The following BCAS3 variants were observed in gnomAD, a reference collection of about 807,000 sequenced individuals.
The protein encoded by BCAS3 is BCAS3 microtubule associated cell migration factor.
In BCAS3, 53 loss-of-function variants were observed where a neutral mutation model predicts 116.1. The observed-to-expected ratio is 0.46, with a 90% CI of 0.37 to 0.57. BCAS3 has a LOEUF of 0.57. Ranked by LOEUF, BCAS3 falls within the 20% of genes least tolerant of loss-of-function variation. BCAS3 has a pLI of 0.00. For missense variants in BCAS3, 917 were observed against 1,165.4 expected, an observed-to-expected ratio of 0.79 and a Z score of 3.10; for synonymous variants, 391 against 408.2, an observed-to-expected ratio of 0.96 and a Z score of 0.51.
At chr17:60,723,477 C>T (rs1598303188) in intron 5 of BCAS3, among the ~76,000 whole-genome samples, 1 of 152,020 alleles carries the variant, frequency 6.6e-6, no homozygotes, top group East Asian at 1.9e-4. Flanking sequence ...CCAGCCGCCT[C>T]GGCCTCCCAA....
chr17:61,018,625 T>C (rs2065654872), intron 16 of BCAS3, among the ~76,000 whole-genome samples: 1 of 152,088 alleles, frequency 6.6e-6, no homozygotes, highest in Admixed American at 6.6e-5. Context: ...GATCAACTTA[T>C]TTGCTTTATC....
In BCAS3 at chr17:61,251,500, G is replaced by A. The variant is rs2048365480; in HGVS notation, c.2426-116827G>A. On this transcript the variant is annotated intron_variant, in intron 22 of 23. Coordinates refer to ENST00000407086, the MANE Select transcript of BCAS3 (RefSeq NM_017679.5). The surrounding 1 kb of genome is among the most constrained non-coding windows in gnomAD (Gnocchi z 4.7). ...CAGGAGAATCACTTGAACGCGGGAT[G>A]CAGAGGTTGCAGTGAGCCGAGATTG... 6.6e-6 allele frequency among the ~76,000 whole-genome samples: 1 copy of A among 151,922 alleles called. No homozygotes were observed. Among genetic ancestry groups the A allele is most frequent in the Admixed American group, 6.6e-5 (1 of 15,254 alleles).
At chr17:61,312,420 C>G (rs1400943967) in intron 22 of BCAS3, among the ~76,000 whole-genome samples, 4 of 152,214 alleles carry the variant, frequency 2.6e-5, no homozygotes, top group African/African-American at 9.6e-5. Context: ...CAAATTGACA[C>G]TGACCTTGGC....
At chr17:60,720,263 G>A (rs1044999533) in intron 5 of BCAS3, 2 of 152,200 alleles carry the variant, frequency 1.3e-5, no homozygotes, top group African/African-American at 4.8e-5. Context: ...GAGTAGCTGG[G>A]ACCACAGGTG....
rs980287144 is a variant in BCAS3 at position 61,227,118 on chromosome 17, G to A, written c.2426-141209G>A. ...CTCCATAGTTAAGCTGATGTTACGC[G>A]GTTAGCCAGAATGAACTGATTTTGG... On this transcript the variant is annotated intron_variant, in intron 22 of 23. Coordinates refer to ENST00000407086, the MANE Select transcript of BCAS3 (RefSeq NM_017679.5). The surrounding 1 kb of genome is among the most constrained non-coding windows in gnomAD (Gnocchi z 6.1). Among the ~76,000 whole-genome samples, 2 of 152,182 alleles carry A rather than the reference G, an allele frequency of 1.3e-5. No individual in the cohort carries two copies. Among genetic ancestry groups the A allele is most frequent in the African/African-American group, 2.4e-5 (1 of 41,446 alleles).
In BCAS3 at chr17:61,368,365, G is replaced by A. The variant is rs2058852685; in HGVS notation, c.2464G>A (p.Gly822Arg). ...GAGCGTGACCCTGCTGGAGGTGTGCGGGAGCTGGCCTGAGGGCTTCGGGCT... is the reference window on the plus strand; with the variant it reads ...GAGCGTGACCCTGCTGGAGGTGTGCAGGAGCTGGCCTGAGGGCTTCGGGCT... ...DRSVTLLEVC[G>R]SWPEGFGLRH... The change falls in exon 23 of 24, where the codon GGG becomes AGG. Residue 822 changes from glycine (G) to arginine (R), a missense_variant. Physicochemically the swap from Gly to Arg is moderately radical, Grantham distance 125 (BLOSUM62 -2). Transcript: ENST00000407086. The surrounding 1 kb of genome is among the most constrained non-coding windows in gnomAD (Gnocchi z 6.0). The A allele has an allele frequency of 2.5e-6, 4 of 1,609,996 alleles. No individual in the cohort carries two copies. Among genetic ancestry groups the A allele is most frequent in the Non-Finnish European group, 3.4e-6 (4 of 1,176,756 alleles).
rs2053890076 is a variant in BCAS3 at position 60,858,685 on chromosome 17, G to A, written c.477-9891G>A. On this transcript the variant is annotated intron_variant, in intron 7 of 23. Coordinates refer to ENST00000407086, the MANE Select transcript of BCAS3 (RefSeq NM_017679.5). ...TGGTAAACTATTTTTCAGAGTGACT[G>A]TACCATTTTGCGTCTCCAGCAGTAA... Among the ~76,000 whole-genome samples the A allele has an allele frequency of 2.0e-5, 3 of 152,072 alleles. No individual in the cohort carries two copies. In the South Asian group the frequency reaches 6.2e-4, roughly 32 times the overall value.
At chr17:60,902,363 T>C (rs2057950378) in intron 10 of BCAS3, among the ~76,000 whole-genome samples, 1 of 152,226 alleles carries the variant, frequency 6.6e-6, no homozygotes, top group Non-Finnish European at 1.5e-5. Context: ...TCAGAGTTTA[T>C]GGATTCTTAA....
chr17:61,306,917 G>A (rs1209835785), intron 22 of BCAS3, among the ~76,000 whole-genome samples: 1 of 152,262 alleles, frequency 6.6e-6, no homozygotes, highest in East Asian at 1.9e-4. Context: ...TTTTCCCCAG[G>A]CTTAAGTACA....
chr17:60,972,848 T>A (rs2062050428), intron 14 of BCAS3, among the ~76,000 whole-genome samples: 1 of 152,234 alleles, frequency 6.6e-6, no homozygotes, highest in South Asian at 2.1e-4. Flanking sequence ...TTCCCTTTTT[T>A]ATATTTCTAT....
intron 7 of BCAS3, among the ~76,000 whole-genome samples, chr17:60,856,428 C>G (rs1254977845): frequency 6.6e-6 from 1 of 152,146 alleles, no homozygotes; most frequent in East Asian, 1.9e-4. Flanking sequence ...GTGGCTCATG[C>G]CTGTATTCCC....
intron 6 of BCAS3, among the ~76,000 whole-genome samples, chr17:60,783,401 CG>C (rs2045997051): frequency 6.6e-6 from 1 of 152,062 alleles, no homozygotes; most frequent in Admixed American, 6.5e-5. Flanking sequence ...GATGGGGTTT[CG>C]TCATGTTGCC....
At chr17:61,085,840 G>A (rs562541000) in intron 22 of BCAS3, among the ~76,000 whole-genome samples, 30 of 152,244 alleles carry the variant, frequency 2.0e-4, no homozygotes, top group African/African-American at 6.5e-4. Context: ...TGTTGTGCTC[G>A]TTTGGAATGA....
intron 22 of BCAS3, among the ~76,000 whole-genome samples, chr17:61,270,631 C>T (rs1394614719): frequency 4.6e-5 from 7 of 152,098 alleles, no homozygotes; most frequent in South Asian, 2.1e-4. Flanking sequence ...TCATTGCCTG[C>T]GCTTTTGTTA....
intron 22 of BCAS3, among the ~76,000 whole-genome samples, chr17:61,094,850 A>T (rs2073864220): frequency 6.6e-6 from 1 of 152,236 alleles, no homozygotes. Context: ...GTCTTAAAAA[A>T]AAAATTTCTC....
At chr17:61,389,812 G>A (rs1365427334) in intron 23 of BCAS3, 2 of 152,370 alleles carry the variant, frequency 1.3e-5, no homozygotes, top group African/African-American at 2.4e-5. Context: ...TCATTGGTGG[G>A]ACCACCGAGG....
rs563682077 is a variant in BCAS3 at position 61,140,100 on chromosome 17, G to A, written c.2425+55536G>A. Among the ~76,000 whole-genome samples, 2 of 152,238 alleles carry A rather than the reference G, an allele frequency of 1.3e-5. No homozygotes were observed. The highest frequency in any genetic ancestry group is 3.9e-4 in the East Asian group (2 of 5,180). ...AAAATACAAAAAATTAGCTGGGCGTGGTGGTGCATTCCTGTAAACCCAGCT... is the reference window on the plus strand; with the variant it reads ...AAAATACAAAAAATTAGCTGGGCGTAGTGGTGCATTCCTGTAAACCCAGCT... On this transcript the variant is annotated intron_variant, in intron 22 of 23. Coordinates refer to ENST00000407086, the MANE Select transcript of BCAS3 (RefSeq NM_017679.5). This position sits in a 1 kb window ranked among gnomAD's most constrained non-coding sequence, Gnocchi z 4.2.
In BCAS3 at chr17:61,239,009, GA is replaced by G. The variant is rs1307294205; in HGVS notation, c.2426-129317del. Among the ~76,000 whole-genome samples, 2 of 152,174 alleles carry G rather than the reference GA, an allele frequency of 1.3e-5. No homozygotes were observed. The highest frequency in any genetic ancestry group is 2.4e-5 in the African/African-American group (1 of 41,434). On this transcript the variant is annotated intron_variant, in intron 22 of 23. Coordinates refer to ENST00000407086, the MANE Select transcript of BCAS3 (RefSeq NM_017679.5). This position sits in a 1 kb window ranked among gnomAD's most constrained non-coding sequence, Gnocchi z 4.2. The stretch of plus-strand genomic sequence containing the variant: ...AAGTCCAAAATGCTTGGGTACCTAA[GA>G]TTTTTTTAATTTGTTCGTGTATATT...
chr17:60,851,680 G>T (rs1048164149), intron 7 of BCAS3: 38 of 788,376 alleles, frequency 4.8e-5, no homozygotes, highest in Non-Finnish European at 8.1e-5. Flanking sequence ...AGAAAAGGGG[G>T]AAATGAAAAC....
Sources: gnomAD v4.1 joint callset for allele counts (sites outside exome capture counted in the v4.1 genomes callset) on GRCh38, gnomAD v4.1.1 for gene constraint, Gnocchi (gnomAD v3.1) non-coding constraint, MANE v1.5 for transcripts, NCBI Gene and HGNC (gene_info 2026-07-23, HGNC 2026-07-21) for gene names.